Variants in TRIO observed in about 807,000 individuals in gnomAD.
The protein encoded by TRIO is triple functional domain protein.
A neutral mutation model predicts 351.9 loss-of-function variants in TRIO; 58 were observed. The ratio of observed to expected loss-of-function variants is 0.16; its 90% CI spans 0.13 to 0.21. TRIO has a LOEUF of 0.21. Ranked by LOEUF, TRIO falls within the 10% of genes least tolerant of loss-of-function variation. TRIO has a pLI of 1.00. For missense variants in TRIO, 3,201 were observed against 4,027.8 expected (o/e 0.79, Z 5.56); for synonymous variants, 1,758 against 1,595.7 (o/e 1.10, Z -2.42).
At chr5:14,196,799 T>G (rs1028117562) in intron 1 of TRIO, among the ~76,000 whole-genome samples, 6 of 152,210 alleles carry the variant, frequency 3.9e-5, no homozygotes, top group African/African-American at 1.4e-4. Context: ...TTAACTGCCT[T>G]CTAATGACCA....
chr5:14,310,785 A>C (rs891316666), intron 8 of TRIO, among the ~76,000 whole-genome samples: 1 of 152,202 alleles, frequency 6.6e-6, no homozygotes, highest in Admixed American at 6.5e-5. Context: ...TCCTGGGTTC[A>C]AGCGATTCTT....
intron 10 of TRIO, among the ~76,000 whole-genome samples, chr5:14,334,573 CA>C (rs781359318): frequency 1.3e-5 from 2 of 152,290 alleles, no homozygotes; most frequent in East Asian, 1.9e-4. Context: ...TCCACAATTC[CA>C]AAACTGTAGT....
At position 14,143,716 on chromosome 5, in the gene TRIO, C is replaced by T; in HGVS notation, c.-10C>T. The T allele has an allele frequency of 4.1e-6, 4 of 975,312 alleles. No homozygotes were observed. The highest frequency in any genetic ancestry group is 9.4e-5 in the South Asian group (2 of 21,170). The allele number at this position is 975,312 out of a possible 1,614,324, so 60.4% of individuals were successfully genotyped here. ...CCGAGGCGGGCGCGGCCGCGGGCGC[C>T]GCCGCAGCCATGAGCGGCAGCAGCG... On this transcript the variant is annotated 5_prime_UTR_variant, in exon 1 of 57. Coordinates refer to ENST00000344204, the MANE Select transcript of TRIO (RefSeq NM_007118.4).
intron 34 of TRIO, among the ~76,000 whole-genome samples, chr5:14,431,613 G>A (rs748466054): frequency 7.9e-5 from 12 of 152,196 alleles, no homozygotes; most frequent in Non-Finnish European, 1.6e-4. Flanking sequence ...AGATATAGAT[G>A]TGTTTCCTAC....
At chr5:14,379,519 A>G (rs112739538) in intron 20 of TRIO, among the ~76,000 whole-genome samples, 2,991 of 152,282 alleles carry the variant, frequency 0.02, 90 homozygotes, top group African/African-American at 0.068. Context: ...TGTAGCCAGC[A>G]TGTTCCCAAC....
intron 9 of TRIO, among the ~76,000 whole-genome samples, chr5:14,324,802 A>G (rs1740219116): frequency 6.6e-6 from 1 of 152,222 alleles, no homozygotes; most frequent in Non-Finnish European, 1.5e-5. Context: ...ACAGTGTACA[A>G]TACTAACACT....
chr5:14,253,600 G>C (rs1229442016), intron 1 of TRIO, among the ~76,000 whole-genome samples: 2 of 152,150 alleles, frequency 1.3e-5, no homozygotes, highest in African/African-American at 4.8e-5. Context: ...TGGCCTCTCA[G>C]AGTGCTGGGA....
chr5:14,183,847 C>T (rs1229991193), intron 1 of TRIO: 1 of 652,998 alleles, frequency 1.5e-6, no homozygotes, highest in Non-Finnish European at 2.8e-6. Flanking sequence ...TCCTGAGGGA[C>T]ACTGCCAACT....
intron 1 of TRIO, among the ~76,000 whole-genome samples, chr5:14,230,634 C>G (rs943746715): frequency 3.3e-5 from 5 of 152,132 alleles, no homozygotes; most frequent in African/African-American, 1.2e-4. Flanking sequence ...AATGTCTTCT[C>G]ATATACATAT....
intron 1 of TRIO, among the ~76,000 whole-genome samples, chr5:14,199,541 G>A (rs1174066599): frequency 6.6e-6 from 1 of 152,190 alleles, no homozygotes; most frequent in East Asian, 1.9e-4. Context: ...AGAAGAAACT[G>A]TTGTCACTAA....
chr5:14,480,576 G>A (rs1755436946), intron 43 of TRIO, among the ~76,000 whole-genome samples: 1 of 152,194 alleles, frequency 6.6e-6, no homozygotes, highest in African/African-American at 2.4e-5. Flanking sequence ...CATAACCGAA[G>A]GCAGAGTCAC....
chr5:14,386,597 C>G (rs933737424), intron 21 of TRIO, among the ~76,000 whole-genome samples: 1 of 152,160 alleles, frequency 6.6e-6, no homozygotes, highest in African/African-American at 2.4e-5. Flanking sequence ...TTTGAAAACA[C>G]TATAACAAAG....
intron 1 of TRIO, among the ~76,000 whole-genome samples, chr5:14,173,296 C>T (rs944986019): frequency 7.8e-5 from 11 of 141,230 alleles, no homozygotes; most frequent in Non-Finnish European, 1.2e-4. Context: ...TTACAACCTT[C>T]ACCTCCCAGG....
At position 14,490,953 on chromosome 5, in the gene TRIO, C is replaced by T. The variant is rs867599976; in HGVS notation, c.7633-1614C>T. On this transcript the variant is annotated intron_variant, in intron 48 of 56. Coordinates refer to ENST00000344204, the MANE Select transcript of TRIO (RefSeq NM_007118.4). ...ATAAATGAGTATGCACAAGCCAAAGCCTTCCCTGTACAGCACGCTTTTTTG... is the reference window on the plus strand; with the variant it reads ...ATAAATGAGTATGCACAAGCCAAAGTCTTCCCTGTACAGCACGCTTTTTTG... The T allele has an allele frequency of 1.2e-5, 5 of 430,114 alleles. No homozygotes were observed. The Middle Eastern group carries it at 1.7e-3, about 146-fold the overall frequency. 26.6% of individuals were successfully genotyped at this position (430,114 alleles called of 1,614,324 possible). A position where few individuals can be genotyped will look rare whatever the true frequency, so the allele number is the denominator to read the frequency against.
intron 47 of TRIO, 77 bp from the exon 48 acceptor site, chr5:14,487,387 G>A (rs750805862): frequency 1.2e-4 from 132 of 1,077,948 alleles, no homozygotes; most frequent in Non-Finnish European, 1.5e-4. Flanking sequence ...ATCCCAGGGT[G>A]GGCCCTGTTC....
At chr5:14,168,292 G>A (rs1788895363) in intron 1 of TRIO, among the ~76,000 whole-genome samples, 2 of 152,178 alleles carry the variant, frequency 1.3e-5, no homozygotes, top group Non-Finnish European at 2.9e-5. Context: ...TGAGTTTTAT[G>A]TGCTGTTCAC....
chr5:14,285,100 A>C (rs547743838), intron 3 of TRIO, among the ~76,000 whole-genome samples: 1 of 152,314 alleles, frequency 6.6e-6, no homozygotes, highest in East Asian at 1.9e-4. Context: ...TTCATGAAGG[A>C]GGTCAGAAAA....
intron 49 of TRIO, among the ~76,000 whole-genome samples, chr5:14,494,584 G>A (rs1440330672): frequency 6.6e-6 from 1 of 152,218 alleles, no homozygotes. Flanking sequence ...GAGTAATTTG[G>A]ACTTTCAAGT....
chr5:14,165,673 G>A (rs1366062544), intron 1 of TRIO, among the ~76,000 whole-genome samples: 1 of 152,154 alleles, frequency 6.6e-6, no homozygotes, highest in Non-Finnish European at 1.5e-5. Context: ...GACTCATCCT[G>A]AGGTCATTCT....
Sources: gnomAD v4.1 joint callset for allele counts (sites outside exome capture counted in the v4.1 genomes callset) on GRCh38, gnomAD v4.1.1 for gene constraint, MANE v1.5 for transcripts, NCBI Gene and HGNC (gene_info 2026-07-23, HGNC 2026-07-21) for gene names.